PKP4: variants seen among roughly 807,000 people sequenced by gnomAD.
The protein encoded by PKP4 is plakophilin-4.
A neutral mutation model predicts 145.1 loss-of-function variants in PKP4; 90 were observed. The observed-to-expected ratio is 0.62, with a 90% CI of 0.52 to 0.74. The LOEUF is 0.74. PKP4 is among the 30% of genes least tolerant of loss of function. PKP4 has a pLI of 0.00. For missense variants in PKP4, 1,340 were observed against 1,482.7 expected (o/e 0.90, Z 1.58); for synonymous variants, 563 against 577.2 (o/e 0.98, Z 0.35).
intron 4 of PKP4, among the ~76,000 whole-genome samples, chr2:158,616,812 A>G (rs2051669540): frequency 6.6e-6 from 1 of 152,184 alleles, no homozygotes; most frequent in East Asian, 1.9e-4. Flanking sequence ...TTTTACACAC[A>G]CTACAGACCC....
chr2:158,533,466 G>A lies in PKP4; in HGVS notation c.132+150G>A, dbSNP rs1384647471. 3 of 950,492 alleles carry A rather than the reference G, an allele frequency of 3.2e-6. No individual in the cohort carries two copies. The South Asian group carries it at 4.2e-5, about 13-fold the overall frequency. The allele number at this position is 950,492 out of a possible 1,614,324, so 58.9% of individuals were successfully genotyped here. A position where few individuals can be genotyped will look rare whatever the true frequency, so the allele number is the denominator to read the frequency against. Reference sequence around the variant, plus strand: ...TTTACATCCCTGAGTACATTGGGATGACTGGCATGTAGAGCCGCTCCAGGT... The same window carrying A: ...TTTACATCCCTGAGTACATTGGGATAACTGGCATGTAGAGCCGCTCCAGGT... On this transcript the variant is annotated intron_variant, in intron 2 of 21. Transcript: ENST00000389759.
intron 1 of PKP4, among the ~76,000 whole-genome samples, chr2:158,500,938 C>A (rs2105494478): frequency 1.3e-5 from 2 of 152,242 alleles, no homozygotes; most frequent in East Asian, 3.9e-4. Flanking sequence ...TACTCTGCTG[C>A]TTGATACTGC....
chr2:158,571,297 T>C (rs2047390770), intron 2 of PKP4, among the ~76,000 whole-genome samples: 1 of 152,176 alleles, frequency 6.6e-6, no homozygotes, highest in Admixed American at 6.5e-5. Flanking sequence ...TGGTCTTTAC[T>C]GATAAGGAAG....
At chr2:158,585,651 TTATTACTTATTTAATA>T (rs1332301766) in intron 3 of PKP4, among the ~76,000 whole-genome samples, 1 of 152,158 alleles carries the variant, frequency 6.6e-6, no homozygotes, top group African/African-American at 2.4e-5. Context: ...CTTTAACAGT[TTATTACTTATTTAATA>T]TACCACTTCA....
intron 1 of PKP4, among the ~76,000 whole-genome samples, chr2:158,501,992 T>G (rs1235820487): frequency 6.6e-6 from 1 of 152,178 alleles, no homozygotes; most frequent in Non-Finnish European, 1.5e-5. Flanking sequence ...TGAACAGTAT[T>G]TATAAAGTGT....
At chr2:158,593,178 A>G (rs1428737566) in intron 3 of PKP4, among the ~76,000 whole-genome samples, 2 of 152,178 alleles carry the variant, frequency 1.3e-5, no homozygotes, top group East Asian at 3.8e-4. Context: ...TTTGTAGACC[A>G]TGGACACAAA....
Position 158,663,294 on chromosome 2 carries a change from C to G in PKP4, c.2426C>G (p.Pro809Arg). Reference sequence around the variant, plus strand: ...CAGTGGGATGGAGTTGGTCCTATCCCAGGACTGTCGAAGTCCCCCAAAGGG... The same window carrying G: ...CAGTGGGATGGAGTTGGTCCTATCCGAGGACTGTCGAAGTCCCCCAAAGGG... ...EDQWDGVGPI[P>R]GLSKSPKGVE... Residue 809 changes from proline (P) to arginine (R), a missense_variant, in exon 15 of 22, where the codon CCA becomes CGA. Coordinates refer to ENST00000389759, the MANE Select transcript of PKP4 (RefSeq NM_003628.6). The G allele has an allele frequency of 6.2e-7, 1 of 1,613,812 alleles. No individual in the cohort carries two copies. Among genetic ancestry groups the G allele is most frequent in the Non-Finnish European group, 8.5e-7 (1 of 1,179,940 alleles).
intron 4 of PKP4, among the ~76,000 whole-genome samples, chr2:158,608,808 C>CTTTTTTTTTTTTTTTT (rs66933766): frequency 1.3e-4 from 11 of 86,176 alleles, no homozygotes; most frequent in African/African-American, 2.5e-4. Flanking sequence ...TCTTTTCTTT[C>CTTTTTTTTTTTTTTTT]TTTTTTTTTT....
intron 1 of PKP4, among the ~76,000 whole-genome samples, chr2:158,530,934 T>A (rs564523736): frequency 1.3e-5 from 2 of 152,214 alleles, no homozygotes; most frequent in Admixed American, 1.3e-4. Flanking sequence ...TCTCTGACCC[T>A]CCTCCTCTTG....
intron 3 of PKP4, among the ~76,000 whole-genome samples, chr2:158,590,793 G>A (rs1281554316): frequency 6.6e-6 from 1 of 152,100 alleles, no homozygotes. Context: ...ACAAACCAAT[G>A]ATCACCAATG....
intron 1 of PKP4, among the ~76,000 whole-genome samples, chr2:158,468,556 T>C (rs893907016): frequency 6.6e-6 from 1 of 152,094 alleles, no homozygotes; most frequent in Non-Finnish European, 1.5e-5. Flanking sequence ...TTCACTTATA[T>C]ATGATCATAG....
At chr2:158,536,853 CA>C (rs2044093265) in intron 2 of PKP4, among the ~76,000 whole-genome samples, 1 of 152,184 alleles carries the variant, frequency 6.6e-6, no homozygotes, top group African/African-American at 2.4e-5. Flanking sequence ...AGCCTGAAGT[CA>C]AATCTCTCTC....
intron 1 of PKP4, among the ~76,000 whole-genome samples, chr2:158,516,844 A>G (rs1338018209): frequency 2.0e-5 from 3 of 151,698 alleles, no homozygotes; most frequent in Admixed American, 1.3e-4. Flanking sequence ...TGTATTTTTA[A>G]TAGAGACGGG....
At chr2:158,576,881 CATATAGT>C (rs2047902587) in intron 2 of PKP4, among the ~76,000 whole-genome samples, 1 of 151,896 alleles carries the variant, frequency 6.6e-6, no homozygotes, top group South Asian at 2.1e-4. Context: ...ACTATGCTGA[CATATAGT>C]ATAAGAAATA....
At chr2:158,556,977 AAGAC>A (rs1376171129) in intron 2 of PKP4, among the ~76,000 whole-genome samples, 1 of 152,122 alleles carries the variant, frequency 6.6e-6, no homozygotes, top group African/African-American at 2.4e-5. Context: ...ATGGGGCTGA[AAGAC>A]AGAGTGATAA....
At chr2:158,609,138 G>C (rs936297919) in intron 4 of PKP4, among the ~76,000 whole-genome samples, 2 of 151,982 alleles carry the variant, frequency 1.3e-5, no homozygotes, top group African/African-American at 4.8e-5. Flanking sequence ...TCTAGTAACT[G>C]TAGATGCTAT....
intron 3 of PKP4, among the ~76,000 whole-genome samples, chr2:158,579,911 C>G (rs552036335): frequency 2.0e-5 from 3 of 151,660 alleles, no homozygotes; most frequent in Non-Finnish European, 2.9e-5. Context: ...TTAAATAGTA[C>G]TTGGTATTGT....
At chr2:158,575,837 G>C (rs549831963) in intron 2 of PKP4, among the ~76,000 whole-genome samples, 2 of 152,280 alleles carry the variant, frequency 1.3e-5, no homozygotes, top group African/African-American at 4.8e-5. Context: ...GAAAGAGTAA[G>C]TGTGAGGTAA....
At chr2:158,481,502 C>T (rs968746222) in intron 1 of PKP4, among the ~76,000 whole-genome samples, 13 of 152,140 alleles carry the variant, frequency 8.5e-5, no homozygotes, top group Non-Finnish European at 1.5e-4. Context: ...TTTTACTTTC[C>T]CACTAGCAGA....
Sources: allele counts gnomAD v4.1 joint callset (sites outside exome capture counted in the v4.1 genomes callset), GRCh38; gene constraint gnomAD v4.1.1; transcripts MANE v1.5; gene names NCBI Gene and HGNC (gene_info 2026-07-23, HGNC 2026-07-21).